Variants in NLRP5 observed in about 807,000 individuals in gnomAD.
NLRP5 encodes NLR family pyrin domain containing 5, also known as NACHT, LRR and PYD domains-containing protein 5.
In NLRP5, 93 loss-of-function variants were observed where a neutral mutation model predicts 113.1. That is an observed-to-expected ratio of 0.82 (90% CI 0.70 to 0.98). NLRP5 has a LOEUF of 0.98. Among genes scored for constraint, NLRP5 ranks in the 50% least tolerant of loss-of-function variants. The probability of loss-of-function intolerance (pLI) is 0.00; values close to 1 mark genes in which losing one functional copy is unlikely to be tolerated. For missense variants in NLRP5, 1,808 were observed against 1,514.3 expected (o/e 1.19, Z -3.22); for synonymous variants, 751 against 600.7 (o/e 1.25, Z -3.66).
intron 9 of NLRP5, 91 bp downstream of exon 9, chr19:56,033,800 CA>C: frequency 8.5e-7 from 1 of 1,174,174 alleles, no homozygotes; most frequent in Non-Finnish European, 1.2e-6. Context: ...TAAAGAGCTG[CA>C]AAGATGGAAA....
intron 6 of NLRP5, among the ~76,000 whole-genome samples, chr19:56,021,553 G>T (rs1982618396): frequency 6.6e-6 from 1 of 152,078 alleles, no homozygotes; most frequent in Non-Finnish European, 1.5e-5. Flanking sequence ...TTCCAGATCG[G>T]TCATGTAGAT....
At chr19:56,053,245 A>C (rs371682914) in intron 12 of NLRP5, among the ~76,000 whole-genome samples, 2 of 148,632 alleles carry the variant, frequency 1.3e-5, no homozygotes, top group East Asian at 2.0e-4. Flanking sequence ...AAAATACAAA[A>C]TTAGCTGGGC....
the NLRP5 span, chr19:55,987,671 A>C: frequency 1.6e-6 from 1 of 624,252 alleles, no homozygotes; most frequent in East Asian, 2.8e-5. Context: ...CTGCTTTCTA[A>C]TCATTCAGGA....
At chr19:55,991,552 T>G in the NLRP5 span, among the ~76,000 whole-genome samples, 1 of 152,226 alleles carries the variant, frequency 6.6e-6, no homozygotes, top group Middle Eastern at 3.2e-3. Flanking sequence ...TTCTAAATTA[T>G]GCATGTTTTA....
In NLRP5 at chr19:56,031,875, G is replaced by C. The variant is rs183826667; in HGVS notation, c.2277-736G>C. Among the ~76,000 whole-genome samples, 4 of 152,294 alleles carry C rather than the reference G, an allele frequency of 2.6e-5. No individual in the cohort carries two copies. The East Asian group carries it at 7.7e-4, about 29-fold the overall frequency. ...TATGAAAATGCCACAGTGAGCGTGG[G>C]AGACCAAACACCTCTTCCACATCCT... On this transcript the variant is annotated intron_variant, in intron 7 of 14. Transcript: ENST00000390649.
intron 1 of NLRP5, among the ~76,000 whole-genome samples, chr19:56,000,158 A>G (rs1398551227): frequency 1.3e-5 from 2 of 151,744 alleles, no homozygotes; most frequent in African/African-American, 4.9e-5. Flanking sequence ...TCTCAATGAC[A>G]GTTGCCCAGG....
Position 56,038,185 on chromosome 19 carries a change from C to T in NLRP5, c.2776C>T (p.Gln926Ter), listed in dbSNP as rs768898166. The T allele has an allele frequency of 5.6e-6, 9 of 1,613,638 alleles. No individual in the cohort carries two copies. The South Asian group carries it at 9.9e-5, about 18-fold the overall frequency. The change falls in exon 10 of 15, where the codon CAG (glutamine) becomes TAG (stop). Residue 926 changes from glutamine (Q) to a stop codon, truncating the protein, a stop_gained. Coordinates refer to ENST00000390649, the MANE Select transcript of NLRP5 (RefSeq NM_153447.4). LOFTEE classifies it high-confidence loss of function. ...CTTGAGAGTCTCCCAGTGCGCCCTG[C>T]AGAAGCTGATGTGAGTGCCACTTCC...
At chr19:56,040,786 A>G in intron 10 of NLRP5, 136 bp from the exon 11 acceptor site, 3 of 663,330 alleles carry the variant, frequency 4.5e-6, no homozygotes, top group Admixed American at 3.0e-5. Flanking sequence ...GGCAGAGAGG[A>G]TGCGACTTCA....
In NLRP5 at chr19:56,061,574, T is replaced by G. The variant is rs527292730; in HGVS notation, c.*46T>G. On this transcript the variant is annotated 3_prime_UTR_variant, in exon 15 of 15. Coordinates refer to ENST00000390649, the MANE Select transcript of NLRP5 (RefSeq NM_153447.4). ...CTCACACCCATCTGATGGAGGAACTTTAAACGCTGTTTTCTCAGAGCAAGC... is the reference window on the plus strand; with the variant it reads ...CTCACACCCATCTGATGGAGGAACTGTAAACGCTGTTTTCTCAGAGCAAGC... The G allele has an allele frequency of 1.2e-6, 2 of 1,608,480 alleles. No homozygotes were observed. The highest frequency in any genetic ancestry group is 2.2e-5 in the South Asian group (2 of 90,546).
At chr19:56,004,295 A>G (rs1001427898) in intron 2 of NLRP5, among the ~76,000 whole-genome samples, 200 bp downstream of exon 2, 1 of 152,050 alleles carries the variant, frequency 6.6e-6, no homozygotes, top group African/African-American at 2.4e-5. Flanking sequence ...AGGAGGGAGA[A>G]ATGGGTAGAC....
intron 6 of NLRP5, among the ~76,000 whole-genome samples, chr19:56,024,757 CAAAAA>C (rs572425329): frequency 7.1e-6 from 1 of 141,562 alleles, no homozygotes; most frequent in Non-Finnish European, 1.5e-5. Flanking sequence ...AACTGTGTCT[CAAAAA>C]AAAAAAATCT....
chr19:56,043,880 G>A (rs1983623243), intron 11 of NLRP5, among the ~76,000 whole-genome samples: 1 of 150,844 alleles, frequency 6.6e-6, no homozygotes, highest in Non-Finnish European at 1.5e-5. Flanking sequence ...CCTGGCCTCT[G>A]CTGACTATTC....
In NLRP5 at chr19:56,038,196, G is replaced by T; in HGVS notation, c.2786+1G>T. ...CCCAGTGCGCCCTGCAGAAGCTGAT[G>T]TGAGTGCCACTTCCTTTCCACCAGG... On this transcript the variant is annotated splice_donor_variant, in intron 10 of 14. Transcript: ENST00000390649. LOFTEE classifies it high-confidence loss of function. 1 of 1,613,196 alleles carries T rather than the reference G, an allele frequency of 6.2e-7. No homozygotes were observed. Among genetic ancestry groups the T allele is most frequent in the Non-Finnish European group, 8.5e-7 (1 of 1,179,360 alleles).
At chr19:56,024,501 G>A (rs1165986564) in intron 6 of NLRP5, among the ~76,000 whole-genome samples, 3 of 118,192 alleles carry the variant, frequency 2.5e-5, no homozygotes, top group African/African-American at 9.8e-5. Context: ...ATATACATAT[G>A]TATATGTATA....
chr19:56,007,132 G>T (rs1981952651), intron 2 of NLRP5, among the ~76,000 whole-genome samples: 2 of 151,404 alleles, frequency 1.3e-5, no homozygotes. Flanking sequence ...AGAGTCCTAG[G>T]CGGGCGGATC....
chr19:55,993,025 T>A, the NLRP5 span, among the ~76,000 whole-genome samples: 1 of 151,858 alleles, frequency 6.6e-6, no homozygotes, highest in Non-Finnish European at 1.5e-5. Flanking sequence ...AATTTTGTAT[T>A]TTTAGTAGAG....
At chr19:56,028,595 T>G in intron 7 of NLRP5, 86 bp downstream of exon 7, 1 of 1,284,828 alleles carries the variant, frequency 7.8e-7, no homozygotes, top group Non-Finnish European at 1.1e-6. Context: ...TCCAGGAACT[T>G]CAAGGTCCCA....
chr19:56,038,331 C>T (rs1249806506), intron 10 of NLRP5, 136 bp downstream of exon 10: 7 of 862,600 alleles, frequency 8.1e-6, no homozygotes, highest in Non-Finnish European at 1.3e-5. Context: ...TGGGACCTCC[C>T]AAGACCTGCC....
At chr19:55,990,844 C>G in the NLRP5 span, among the ~76,000 whole-genome samples, 1 of 151,908 alleles carries the variant, frequency 6.6e-6, no homozygotes, top group Non-Finnish European at 1.5e-5. Context: ...AAAAGCTGGG[C>G]ATGGTTGAGG....
Sources: gnomAD v4.1 joint callset for allele counts (sites outside exome capture counted in the v4.1 genomes callset) on GRCh38, gnomAD v4.1.1 for gene constraint, MANE v1.5 for transcripts, NCBI Gene and HGNC (gene_info 2026-07-23, HGNC 2026-07-21) for gene names.